SS18: variants seen among roughly 807,000 people sequenced by gnomAD.
SS18 encodes the protein SS18 subunit of BAF chromatin remodeling complex, also known as protein SSXT.
A neutral mutation model predicts 72.5 loss-of-function variants in SS18; 28 were observed. The ratio of observed to expected loss-of-function variants is 0.39; its 90% confidence interval spans 0.29 to 0.53. The LOEUF is 0.53. Among genes scored for constraint, SS18 ranks in the 20% least tolerant of loss-of-function variants. SS18 has a pLI of 0.76. For synonymous variants in SS18, 172 were observed against 164.2 expected (o/e 1.05, Z -0.37); for missense variants, 518 against 535.3 (o/e 0.97, Z 0.32).
intron 10 of SS18, among the ~76,000 whole-genome samples, chr18:26,025,191 G>A (rs144328166): frequency 8.9e-4 from 135 of 152,172 alleles, no homozygotes; most frequent in African/African-American, 3.1e-3. Flanking sequence ...AAACCAGGAT[G>A]TATTTTGAAC....
At chr18:26,023,132 T>C (rs537470432) in intron 10 of SS18, among the ~76,000 whole-genome samples, 7 of 152,250 alleles carry the variant, frequency 4.6e-5, no homozygotes, top group Admixed American at 2.6e-4. Flanking sequence ...AAATTCACAA[T>C]GTCTGGAATC....
At chr18:26,055,273 C>A (rs985811910) in intron 4 of SS18, among the ~76,000 whole-genome samples, 2 of 151,886 alleles carry the variant, frequency 1.3e-5, no homozygotes, top group Non-Finnish European at 1.5e-5. Flanking sequence ...TTGAGACCAG[C>A]CTGGCCAACA....
chr18:26,085,995 T>C (rs1004222643), intron 2 of SS18: 3 of 151,808 alleles, frequency 2.0e-5, no homozygotes, highest in Non-Finnish European at 4.4e-5. Context: ...GCCCTCAGTA[T>C]CCACAGATTC....
At position 26,039,487 on chromosome 18, in the gene SS18, T is replaced by G. The variant is rs773103261; in HGVS notation, c.608-31A>C. On this transcript the variant is annotated intron_variant, in intron 5 of 10. Coordinates refer to ENST00000415083, the MANE Select transcript of SS18 (RefSeq NM_001007559.3). ...ACAAGACACAACATTATACACATAA[T>G]TTTTTGTATATAACTTTAACATCTC... 6 of 1,553,326 alleles carry G rather than the reference T, an allele frequency of 3.9e-6. No homozygotes were observed. The Admixed American group carries it at 6.9e-5, about 18-fold the overall frequency.
intron 2 of SS18, chr18:26,082,535 T>C (rs1470921093): frequency 1.0e-6 from 1 of 984,290 alleles, no homozygotes; most frequent in African/African-American, 1.7e-5. Context: ...CACCCTAAAA[T>C]GCAAAAAATA....
chr18:26,054,468 G>T (rs76261302), intron 4 of SS18, among the ~76,000 whole-genome samples: 5,983 of 152,150 alleles, frequency 0.039, 165 homozygotes, highest in Non-Finnish European at 0.059. Context: ...GCAAATTCAT[G>T]ACAGTATAAT....
chr18:26,060,771 CAAAAAAAAAAAAAAAAAAAAAAAA>C, intron 3 of SS18, among the ~76,000 whole-genome samples: 1 of 39,608 alleles, frequency 2.5e-5, no homozygotes, highest in East Asian at 5.8e-4. Flanking sequence ...CTAAAAATAC[CAAAAAAAAAAAAAAAAAAAAAAAA>C]AAAAAAAAAA....
chr18:26,087,855 T>C (rs1434212154), intron 1 of SS18, among the ~76,000 whole-genome samples: 2 of 152,230 alleles, frequency 1.3e-5, no homozygotes, highest in Non-Finnish European at 2.9e-5. Context: ...TAATAACAAA[T>C]ATAATTTAAA....
chr18:26,069,644 T>C (rs947982482), intron 3 of SS18, among the ~76,000 whole-genome samples: 3 of 152,170 alleles, frequency 2.0e-5, no homozygotes, highest in African/African-American at 4.8e-5. Flanking sequence ...AACACTAGAC[T>C]ATATGATTAT....
At chr18:26,025,557 T>C (rs1238106658) in intron 10 of SS18, among the ~76,000 whole-genome samples, 1 of 152,076 alleles carries the variant, frequency 6.6e-6, no homozygotes, top group Non-Finnish European at 1.5e-5. Context: ...TATGGAGATA[T>C]TGAGCGATGA....
At chr18:26,053,669 G>C (rs2053962950) in intron 4 of SS18, among the ~76,000 whole-genome samples, 3 of 150,472 alleles carry the variant, frequency 2.0e-5, no homozygotes, top group African/African-American at 7.5e-5. Context: ...GGAATGACTA[G>C]TTCACACAAA....
At chr18:26,087,117 C>T (rs2054628522) in intron 2 of SS18, among the ~76,000 whole-genome samples, 1 of 152,136 alleles carries the variant, frequency 6.6e-6, no homozygotes, top group Non-Finnish European at 1.5e-5. Context: ...CATGGTTCAA[C>T]ATGGATGAAC....
chr18:26,047,168 G>A (rs1241429155), intron 5 of SS18, among the ~76,000 whole-genome samples: 1 of 149,496 alleles, frequency 6.7e-6, no homozygotes, highest in Non-Finnish European at 1.5e-5. Context: ...AAGAAGACAT[G>A]CAAAGGATTT....
chr18:26,036,021 AAAAG>A (rs1453876593), intron 7 of SS18, 98 bp from the exon 8 acceptor site: 1 of 787,656 alleles, frequency 1.3e-6, no homozygotes, highest in Non-Finnish European at 2.1e-6. Flanking sequence ...AAAAAAAAGA[AAAAG>A]AAATGGAACA....
intron 2 of SS18, chr18:26,080,351 A>C (rs149416540): frequency 1.0e-6 from 1 of 984,328 alleles, no homozygotes; most frequent in Non-Finnish European, 1.2e-6. Flanking sequence ...GAGTATTAGT[A>C]TGGTTGCACG....
chr18:26,047,259 C>CAAAAAA (rs71169806), intron 5 of SS18, among the ~76,000 whole-genome samples: 200 of 75,028 alleles, frequency 2.7e-3, no homozygotes, highest in Middle Eastern at 8.6e-3. Context: ...AGTAATATGC[C>CAAAAAA]AAAAAAAAAA....
At chr18:26,081,969 G>A (rs1239091289) in intron 2 of SS18, among the ~76,000 whole-genome samples, 1 of 151,886 alleles carries the variant, frequency 6.6e-6, no homozygotes, top group African/African-American at 2.4e-5. Context: ...AAGGTGGGAG[G>A]ATCACTTGAG....
intron 5 of SS18, among the ~76,000 whole-genome samples, chr18:26,047,280 A>AAAAAAAAAG (rs1555647743): frequency 6.8e-6 from 1 of 147,866 alleles, no homozygotes; most frequent in Non-Finnish European, 1.5e-5. Context: ...AAAAAAAAAA[A>AAAAAAAAAG]AAGAAGAAGA....
chr18:26,052,756 A>T lies in SS18; in HGVS notation c.475T>A (p.Ser159Thr), dbSNP rs2067365527. ...SMNMPSSSHG[S>T]MGGYNHSVPS... ...ACAGAATGGTTGTAACCTCCCATGG[A>T]TCCATGGCTACTTGAAGGCATATTC... Residue 159 changes from serine to threonine, a missense_variant, in exon 5 of 11, where the codon TCC (serine) becomes ACC (threonine). Ser to Thr is a moderately conservative substitution (Grantham distance 58). Coordinates refer to ENST00000415083, the MANE Select transcript of SS18 (RefSeq NM_001007559.3). 1.2e-6 allele frequency: 2 copies of T among 1,614,006 alleles called. No homozygotes were observed. The highest frequency in any genetic ancestry group is 1.3e-5 in the African/African-American group (1 of 74,918).
Sources: gnomAD v4.1 joint callset for allele counts (sites outside exome capture counted in the v4.1 genomes callset) on GRCh38, gnomAD v4.1.1 for gene constraint, MANE v1.5 for transcripts, NCBI Gene and HGNC (gene_info 2026-07-23, HGNC 2026-07-21) for gene names.